The following KHDRBS2 variants were observed in gnomAD, a reference collection of about 807,000 sequenced individuals.
KHDRBS2 encodes KH RNA binding domain containing, signal transduction associated 2.
A neutral mutation model predicts 44.3 loss-of-function variants in KHDRBS2; 26 were observed. The ratio of observed to expected loss-of-function variants is 0.59; its 90% CI spans 0.43 to 0.81. KHDRBS2 has a LOEUF of 0.81. Ranked by LOEUF, KHDRBS2 falls within the 40% of genes least tolerant of loss-of-function variation. The pLI is 0.00. For missense variants in KHDRBS2, 476 were observed against 433.1 expected, an observed-to-expected ratio of 1.10 and a Z score of -0.88; for synonymous variants, 194 against 151.1, an observed-to-expected ratio of 1.28 and a Z score of -2.08.
chr6:61,769,161 A>G (rs1020695110), intron 6 of KHDRBS2, among the ~76,000 whole-genome samples: 1 of 152,162 alleles, frequency 6.6e-6, no homozygotes, highest in Non-Finnish European at 1.5e-5. Flanking sequence ...ATTTATGATT[A>G]AAAAATTCCA....
chr6:62,105,576 T>C (rs1410718506), intron 2 of KHDRBS2, among the ~76,000 whole-genome samples: 4 of 152,172 alleles, frequency 2.6e-5, no homozygotes, highest in African/African-American at 9.7e-5. Flanking sequence ...GAGGTGTTTG[T>C]AGTATTCTGT....
the KHDRBS2 span, among the ~76,000 whole-genome samples, chr6:61,545,103 G>T: frequency 6.6e-6 from 1 of 151,950 alleles, no homozygotes; most frequent in Non-Finnish European, 1.5e-5. Flanking sequence ...AAAAAAATTT[G>T]AGTAGGAAGC....
intron 8 of KHDRBS2, 107 bp from the exon 9 acceptor site, chr6:61,681,167 C>T (rs1347860283): frequency 1.9e-5 from 14 of 732,506 alleles, no homozygotes; most frequent in Non-Finnish European, 3.3e-5. Context: ...AAGATCTCAA[C>T]ACCGAACGCT....
chr6:62,089,114 T>A (rs1357312876), intron 2 of KHDRBS2, among the ~76,000 whole-genome samples: 1 of 152,104 alleles, frequency 6.6e-6, no homozygotes, highest in African/African-American at 2.4e-5. Flanking sequence ...ACTGCTGTGC[T>A]GGCAGCAATA....
chr6:61,968,370 A>G (rs1458649308), intron 4 of KHDRBS2, among the ~76,000 whole-genome samples: 1 of 152,042 alleles, frequency 6.6e-6, no homozygotes, highest in Non-Finnish European at 1.5e-5. Flanking sequence ...GTTCTGTCAC[A>G]TACTCCTTGC....
intron 2 of KHDRBS2, among the ~76,000 whole-genome samples, chr6:62,073,023 G>A (rs1455033138): frequency 2.0e-5 from 3 of 152,166 alleles, no homozygotes; most frequent in South Asian, 4.1e-4. Flanking sequence ...TTCAGAGCCT[G>A]CTATCGGTCT....
intron 6 of KHDRBS2, among the ~76,000 whole-genome samples, chr6:61,776,875 C>G (rs1342764248): frequency 6.6e-6 from 1 of 152,126 alleles, no homozygotes; most frequent in Non-Finnish European, 1.5e-5. Context: ...ATAGGAAATA[C>G]TTGGATCCAA....
the KHDRBS2 span, among the ~76,000 whole-genome samples, chr6:61,633,533 C>G: frequency 6.6e-6 from 1 of 152,028 alleles, no homozygotes; most frequent in Non-Finnish European, 1.5e-5. Context: ...CTTAGGTATT[C>G]TCCTAAGTGC....
At chr6:62,053,529 G>A (rs1789560884) in intron 2 of KHDRBS2, among the ~76,000 whole-genome samples, 1 of 151,824 alleles carries the variant, frequency 6.6e-6, no homozygotes, top group African/African-American at 2.4e-5. Context: ...GAATAAAAAG[G>A]CTAGCATTTT....
chr6:61,856,543 T>C (rs1796175816), intron 6 of KHDRBS2, among the ~76,000 whole-genome samples: 5 of 148,308 alleles, frequency 3.4e-5, no homozygotes, highest in Admixed American at 6.8e-5. Flanking sequence ...GCTTGGATTA[T>C]GATTGCTTTT....
the KHDRBS2 span, among the ~76,000 whole-genome samples, chr6:61,550,789 T>TC: frequency 6.9e-6 from 1 of 145,384 alleles, no homozygotes; most frequent in African/African-American, 2.6e-5. Context: ...TTTTTCTGTT[T>TC]TTGAGATGGA....
chr6:61,967,943 T>TATAC (rs1272822307), intron 4 of KHDRBS2, among the ~76,000 whole-genome samples: 71 of 112,022 alleles, frequency 6.3e-4, no homozygotes, highest in African/African-American at 1.9e-3. Flanking sequence ...TATATATATA[T>TATAC]ATATATATAT....
chr6:61,852,196 T>C (rs2127285417), intron 6 of KHDRBS2, among the ~76,000 whole-genome samples: 1 of 151,998 alleles, frequency 6.6e-6, no homozygotes, highest in Admixed American at 6.6e-5. Context: ...TACTCCAGCC[T>C]GGGCAATGGA....
chr6:62,105,470 A>G (rs891415204), intron 2 of KHDRBS2, among the ~76,000 whole-genome samples: 3 of 152,182 alleles, frequency 2.0e-5, no homozygotes, highest in Non-Finnish European at 4.4e-5. Flanking sequence ...TTATTGGTCT[A>G]TTCAGAGATT....
chr6:61,767,442 T>G (rs72878832), intron 6 of KHDRBS2, among the ~76,000 whole-genome samples: 1 of 152,114 alleles, frequency 6.6e-6, no homozygotes, highest in Non-Finnish European at 1.5e-5. Flanking sequence ...GATTAGAGTT[T>G]AGTGTATTTA....
chr6:61,609,201 T>C, the KHDRBS2 span, among the ~76,000 whole-genome samples: 1 of 152,014 alleles, frequency 6.6e-6, no homozygotes, highest in Non-Finnish European at 1.5e-5. Flanking sequence ...CTACCAAAAA[T>C]ACAAAAAATA....
chr6:62,216,552 T>C (rs1237370805), intron 1 of KHDRBS2, among the ~76,000 whole-genome samples: 1 of 151,700 alleles, frequency 6.6e-6, no homozygotes, highest in Non-Finnish European at 1.5e-5. Flanking sequence ...TCATTCTAAA[T>C]GTCTCTGTGA....
At chr6:62,101,094 G>C (rs1167825989) in intron 2 of KHDRBS2, among the ~76,000 whole-genome samples, 1 of 152,096 alleles carries the variant, frequency 6.6e-6, no homozygotes, top group Non-Finnish European at 1.5e-5. Context: ...ATGTGGCCTT[G>C]AGTTTAAAAT....
At chr6:61,550,217 G>A in the KHDRBS2 span, among the ~76,000 whole-genome samples, 1 of 151,998 alleles carries the variant, frequency 6.6e-6, no homozygotes, top group African/African-American at 2.4e-5. Context: ...CCACCGTCAG[G>A]TCCCAGTGTC....
Sources: allele counts gnomAD v4.1 joint callset (sites outside exome capture counted in the v4.1 genomes callset), GRCh38; gene constraint gnomAD v4.1.1; transcripts MANE v1.5; gene names NCBI Gene and HGNC (gene_info 2026-07-23, HGNC 2026-07-21).